The following DNAAF1 variants were observed in gnomAD, a reference collection of about 807,000 sequenced individuals.
DNAAF1 encodes the protein dynein assembly factor 1, axonemal.
A neutral mutation model predicts 71.1 loss-of-function variants in DNAAF1; 65 were observed. The ratio of observed to expected loss-of-function variants is 0.91; its 90% CI spans 0.75 to 1.12. DNAAF1 has a LOEUF of 1.12. Ranked by LOEUF, DNAAF1 falls within the 50% of genes most tolerant of loss-of-function variation. The pLI is 0.00. For synonymous variants in DNAAF1, 414 were observed against 354.6 expected (o/e 1.17, Z -1.88); for missense variants, 1,178 against 899.8 (o/e 1.31, Z -3.96).
rs887328214 is a variant in DNAAF1, at chr16:84,176,465, G to A, written c.2065+166G>A. 4.4e-5 allele frequency: 49 copies of A among 1,123,962 alleles called. No individual in the cohort carries two copies. In the Admixed American group the frequency reaches 8.7e-4, roughly 20 times the overall value. 69.6% of individuals were successfully genotyped at this position (1,123,962 alleles called of 1,614,324 possible). ...CTGAAGGTCCCATTCCTGAGTTCAC[G>A]GGTCTGAAGCTGCCACTTGCTGGTA... On this transcript the variant is annotated intron_variant, in intron 11 of 11. Coordinates refer to ENST00000378553, the MANE Select transcript of DNAAF1 (RefSeq NM_178452.6).
At chr16:84,166,239 G>C (rs1182133592) in intron 7 of DNAAF1, among the ~76,000 whole-genome samples, 1 of 151,930 alleles carries the variant, frequency 6.6e-6, no homozygotes, top group Non-Finnish European at 1.5e-5. Context: ...TTTTAGTAGA[G>C]ATGGGATTTC....
chr16:84,174,436 C>T lies in DNAAF1; in HGVS notation c.1645-233C>T, dbSNP rs1050294964. 5.0e-6 allele frequency: 7 copies of T among 1,413,112 alleles called. No homozygotes were observed. The African/African-American group carries it at 7.2e-5, about 15-fold the overall frequency. The allele number at this position is 1,413,112 out of a possible 1,614,324, so 87.5% of individuals were successfully genotyped here. On this transcript the variant is annotated intron_variant, in intron 9 of 11. Transcript: ENST00000378553. ...AGATGTGGAAATTCTTTAAACACGT[C>T]ACACCTTGCAAGTTCCCTTTCATTT...
At chr16:84,150,227 A>T in intron 2 of DNAAF1, 24 bp from the exon 3 acceptor site, 1 of 1,560,866 alleles carries the variant, frequency 6.4e-7, no homozygotes, top group East Asian at 2.2e-5. Flanking sequence ...CAATAAGCTT[A>T]TTCATATTTT....
chr16:84,154,009 C>T lies in DNAAF1; in HGVS notation c.353-568C>T, dbSNP rs536581532. 8.5e-5 allele frequency among the ~76,000 whole-genome samples: 13 copies of T among 152,180 alleles called. No individual in the cohort carries two copies. The East Asian group carries it at 2.1e-3, about 25-fold the overall frequency. ...TTGCTTGGCTAAGTGTGGCCACCCC[C>T]GAATGAGTCACCGTGACTCTGATAG... On this transcript the variant is annotated intron_variant, in intron 3 of 11. Transcript: ENST00000378553.
chr16:84,176,519 C>T, intron 11 of DNAAF1: 1 of 689,882 alleles, frequency 1.4e-6, no homozygotes, highest in South Asian at 1.7e-5. Context: ...GCCACCGAGC[C>T]AGCCTCCTCT....
rs188308907 is a variant in DNAAF1, at chr16:84,167,668, T to A, written c.1030+1719T>A. Among the ~76,000 whole-genome samples the A allele has an allele frequency of 2.0e-5, 3 of 152,298 alleles. No individual in the cohort carries two copies. The East Asian group carries it at 5.8e-4, about 29-fold the overall frequency. On this transcript the variant is annotated intron_variant, in intron 7 of 11. Coordinates refer to ENST00000378553, the MANE Select transcript of DNAAF1 (RefSeq NM_178452.6). ...GAGCTCTGTTTCAGAGATCTATGTATCTTGTAATTTCACAGCTGCCACAAC... is the reference window on the plus strand; with the variant it reads ...GAGCTCTGTTTCAGAGATCTATGTAACTTGTAATTTCACAGCTGCCACAAC...
At chr16:84,174,352 G>T (rs2088541836) in intron 9 of DNAAF1, 3 of 1,271,910 alleles carry the variant, frequency 2.4e-6, no homozygotes, top group East Asian at 3.9e-5. Context: ...ATTTGGTTTG[G>T]GTCCCATTAT....
At position 84,170,376 on chromosome 16, in the gene DNAAF1, A is replaced by C. The variant is rs775720311; in HGVS notation, c.1528+20A>C. 6.2e-7 allele frequency: 1 copy of C among 1,613,308 alleles called. No individual in the cohort carries two copies. Among genetic ancestry groups the C allele is most frequent in the South Asian group, 1.1e-5 (1 of 91,068 alleles). The stretch of plus-strand genomic sequence containing the variant: ...GGGAAGGTAATGTGAGCGGAGAAAC[A>C]CACACAGACACACACACCTCTCAGG... On this transcript the variant is annotated intron_variant, in intron 8 of 11. Transcript: ENST00000378553.
intron 8 of DNAAF1, 122 bp from the exon 9 acceptor site, chr16:84,172,138 A>T: frequency 1.1e-6 from 1 of 902,240 alleles, no homozygotes; most frequent in Non-Finnish European, 1.8e-6. Context: ...TGGCCCCCCA[A>T]AGTGTTGGGA....
chr16:84,177,376 A>T, intron 11 of DNAAF1: 1 of 356,028 alleles, frequency 2.8e-6, no homozygotes, highest in Non-Finnish European at 5.5e-6. Flanking sequence ...CCTAGGTTCA[A>T]GCAATTCTCC....
At chr16:84,169,264 T>TTC (rs2088195020) in intron 7 of DNAAF1, among the ~76,000 whole-genome samples, 1 of 150,974 alleles carries the variant, frequency 6.6e-6, no homozygotes, top group African/African-American at 2.4e-5. Flanking sequence ...TATTTTTTTT[T>TTC]CACTAGAGAT....
At chr16:84,172,004 A>G (rs1043538661) in intron 8 of DNAAF1, among the ~76,000 whole-genome samples, 1 of 151,760 alleles carries the variant, frequency 6.6e-6, no homozygotes, top group East Asian at 1.9e-4. Flanking sequence ...CAGCCTCCCA[A>G]GTAGCTGAGA....
intron 10 of DNAAF1, 44 bp downstream of exon 10, chr16:84,174,766 C>T (rs1303585003): frequency 6.2e-7 from 1 of 1,613,020 alleles, no homozygotes; most frequent in Non-Finnish European, 8.5e-7. Context: ...AGCTTAATTC[C>T]ACCTTCGTTC....
In DNAAF1 at chr16:84,156,851, C is replaced by CTTT. The variant is rs778916785; in HGVS notation, c.741+1119_741+1121dup. On this transcript the variant is annotated intron_variant, in intron 5 of 11. Transcript: ENST00000378553. The stretch of plus-strand genomic sequence containing the variant: ...TTCCTTTCCTTTTCTTTCTTTCTTT[C>CTTT]TTTTTTTTTTTTTTTTTTTGAGACA... Among the ~76,000 whole-genome samples the CTTT allele has an allele frequency of 1.8e-3, 199 of 111,802 alleles. 2 individuals carry two copies. Among genetic ancestry groups the CTTT allele is most frequent in the African/African-American group, 5.5e-3 (152 of 27,758 alleles). 73.3% of individuals were successfully genotyped at this position (111,802 alleles called of 152,430 possible). A position where few individuals can be genotyped will look rare whatever the true frequency, so the allele number is the denominator to read the frequency against.
At chr16:84,155,894 T>C in intron 5 of DNAAF1, 145 bp downstream of exon 5, 2 of 1,108,178 alleles carry the variant, frequency 1.8e-6, no homozygotes, top group Non-Finnish European at 2.6e-6. Flanking sequence ...TGTTTTTAGC[T>C]GGAGTATCTG....
intron 1 of DNAAF1, 86 bp from the exon 2 acceptor site, chr16:84,148,921 T>G: frequency 6.8e-7 from 1 of 1,475,020 alleles, no homozygotes; most frequent in East Asian, 2.3e-5. Context: ...ATACTAAAAG[T>G]GGATGGTCAT....
intron 1 of DNAAF1, among the ~76,000 whole-genome samples, chr16:84,148,761 GC>G (rs1365865765): frequency 2.7e-5 from 4 of 150,856 alleles, no homozygotes; most frequent in African/African-American, 9.8e-5. Flanking sequence ...ACTACATCTG[GC>G]TAATTTTTGT....
intron 3 of DNAAF1, among the ~76,000 whole-genome samples, chr16:84,150,669 G>T (rs542500669): frequency 1.4e-5 from 2 of 139,454 alleles, no homozygotes; most frequent in East Asian, 4.2e-4. Context: ...AAGCTGAAGT[G>T]CAGTGGTGCA....
rs561443632 is a variant in DNAAF1, at chr16:84,174,631, T to A, written c.1645-38T>A. 3.3e-4 allele frequency: 538 copies of A among 1,614,108 alleles called. 6 individuals are homozygous for A. The South Asian group carries it at 5.7e-3, about 17-fold the overall frequency. On this transcript the variant is annotated intron_variant, in intron 9 of 11. Transcript: ENST00000378553. ...CCTATCAGAACGTTGACAGTGCGTG[T>A]ACCTCCCTGGTGATGTGCGGCTCAC...
Sources: allele counts gnomAD v4.1 joint callset (sites outside exome capture counted in the v4.1 genomes callset), GRCh38; gene constraint gnomAD v4.1.1; transcripts MANE v1.5; gene names NCBI Gene and HGNC (gene_info 2026-07-23, HGNC 2026-07-21).